MAGI1: variants seen among roughly 807,000 people sequenced by gnomAD.
MAGI1 encodes membrane-associated guanylate kinase, WW and PDZ domain-containing protein 1.
Under a neutral mutation model 139.9 loss-of-function variants are expected in MAGI1, and 58 were observed. The ratio of observed to expected loss-of-function variants is 0.41; its 90% CI spans 0.34 to 0.52. The LOEUF (loss-of-function observed/expected upper bound fraction) is 0.52, where lower values mean the gene tolerates loss of function less well. Ranked by LOEUF, MAGI1 falls within the 20% of genes least tolerant of loss-of-function variation. The pLI, the probability that MAGI1 is intolerant of heterozygous loss-of-function variation, is 0.12. For synonymous variants in MAGI1, 812 were observed against 737.9 expected, an observed-to-expected ratio of 1.10 and a Z score of -1.63; for missense variants, 1,874 against 1,901.6, an observed-to-expected ratio of 0.99 and a Z score of 0.27.
intron 1 of MAGI1, among the ~76,000 whole-genome samples, chr3:65,821,420 G>A (rs1575607689): frequency 1.3e-5 from 2 of 152,250 alleles, no homozygotes; most frequent in Admixed American, 1.3e-4. Context: ...CATGTCTGCT[G>A]CATGCCTGGC....
At chr3:65,747,211 G>C (rs537141584) in intron 1 of MAGI1, among the ~76,000 whole-genome samples, 27 of 152,314 alleles carry the variant, frequency 1.8e-4, no homozygotes, top group African/African-American at 6.3e-4. Flanking sequence ...ACTGTGTTTA[G>C]GGGACCCTCT....
At chr3:65,912,478 C>G (rs1428903637) in intron 1 of MAGI1, among the ~76,000 whole-genome samples, 1 of 152,136 alleles carries the variant, frequency 6.6e-6, no homozygotes, top group Non-Finnish European at 1.5e-5. Context: ...TTTATTTGGG[C>G]TCCCTGTTTC....
intron 1 of MAGI1, among the ~76,000 whole-genome samples, chr3:65,683,682 G>A (rs868836647): frequency 0.02 from 2,482 of 125,814 alleles, 65 homozygotes; most frequent in African/African-American, 0.07. Flanking sequence ...ATATATGTAT[G>A]GCAAGCACAT....
intron 18 of MAGI1, among the ~76,000 whole-genome samples, chr3:65,369,012 T>C (rs1290825611): frequency 6.6e-6 from 1 of 152,196 alleles, no homozygotes; most frequent in Non-Finnish European, 1.5e-5. Context: ...TTTGACTTCT[T>C]AGATTTCAAG....
intron 2 of MAGI1, among the ~76,000 whole-genome samples, chr3:65,606,040 C>T (rs1172963294): frequency 4.1e-5 from 4 of 97,330 alleles, no homozygotes; most frequent in Non-Finnish European, 7.6e-5. Flanking sequence ...GATACATGGA[C>T]ATATTTTTGC....
At chr3:65,359,446 AC>A (rs1940563609) in intron 22 of MAGI1, 1 of 1,164,400 alleles carries the variant, frequency 8.6e-7, no homozygotes, top group African/African-American at 1.5e-5. Context: ...GTTTTTTCAA[AC>A]AACTGGAACA....
At chr3:65,551,465 T>C (rs1171278691) in intron 2 of MAGI1, among the ~76,000 whole-genome samples, 1 of 152,038 alleles carries the variant, frequency 6.6e-6, no homozygotes, top group Non-Finnish European at 1.5e-5. Context: ...CGCGCGCGGC[T>C]AATTTTCTGT....
intron 1 of MAGI1, among the ~76,000 whole-genome samples, chr3:65,968,234 A>G (rs1408230958): frequency 6.6e-6 from 1 of 152,208 alleles, no homozygotes; most frequent in Non-Finnish European, 1.5e-5. Context: ...AAATGTGTCC[A>G]CCTTTTGAAC....
intron 1 of MAGI1, among the ~76,000 whole-genome samples, chr3:65,931,058 A>G (rs1041709366): frequency 3.3e-5 from 5 of 150,282 alleles, no homozygotes; most frequent in Non-Finnish European, 5.9e-5. Flanking sequence ...TTTGAGATAG[A>G]GCCTCACTCT....
At chr3:65,982,656 T>C (rs1010848704) in intron 1 of MAGI1, among the ~76,000 whole-genome samples, 1 of 152,156 alleles carries the variant, frequency 6.6e-6, no homozygotes, top group Non-Finnish European at 1.5e-5. Flanking sequence ...CAGTGTCTTG[T>C]ATTGTAGAGT....
chr3:65,880,863 C>T lies in MAGI1; in HGVS notation c.313+157133G>A, dbSNP rs1437715046. The stretch of plus-strand genomic sequence containing the variant: ...GACACATCTCAGCAATATCTCATCA[C>T]TTTCGTCCTCTTCCGCATTTTCATG... On this transcript the variant is annotated intron_variant, in intron 1 of 22. Transcript: ENST00000402939. 2.0e-5 allele frequency among the ~76,000 whole-genome samples: 3 copies of T among 149,468 alleles called. No individual in the cohort carries two copies. In the Admixed American group the frequency reaches 2.0e-4, roughly 10 times the overall value.
chr3:65,505,741 T>C (rs904033470), intron 2 of MAGI1, among the ~76,000 whole-genome samples: 1 of 151,602 alleles, frequency 6.6e-6, no homozygotes, highest in African/African-American at 2.4e-5. Context: ...ATCGTTTCAA[T>C]GGTTGCACAG....
At chr3:65,470,082 T>C (rs1950467074) in intron 5 of MAGI1, 2 of 459,048 alleles carry the variant, frequency 4.4e-6, no homozygotes, top group African/African-American at 1.9e-5. Context: ...ATTAACCTTA[T>C]GCTTCCTCAA....
At chr3:65,745,347 GGTCA>G (rs1400624861) in intron 1 of MAGI1, among the ~76,000 whole-genome samples, 5 of 152,004 alleles carry the variant, frequency 3.3e-5, no homozygotes, top group African/African-American at 9.7e-5. Flanking sequence ...AAGGATTAGT[GGTCA>G]GTAAGTCAGA....
chr3:65,377,337 T>A (rs572705923), intron 17 of MAGI1, among the ~76,000 whole-genome samples: 1 of 152,174 alleles, frequency 6.6e-6, no homozygotes, highest in Non-Finnish European at 1.5e-5. Flanking sequence ...CCAAGGACAA[T>A]TGGTATAACA....
Position 65,702,848 on chromosome 3 carries a change from A to G in MAGI1, c.314-80760T>C, listed in dbSNP as rs116558086. ...AAGCCTTAATGCACACTTATCACAT[A>G]AATAAATAAATAAGCAGCTCCTCCT... On this transcript the variant is annotated intron_variant, in intron 1 of 22. Coordinates refer to ENST00000402939, the MANE Select transcript of MAGI1 (RefSeq NM_001033057.2). Among the ~76,000 whole-genome samples, 493 of 152,150 alleles carry G rather than the reference A, an allele frequency of 3.2e-3. 4 individuals are homozygous for G. Among genetic ancestry groups the G allele is most frequent in the African/African-American group, 0.012 (480 of 41,500 alleles).
intron 8 of MAGI1, 120 bp downstream of exon 8, chr3:65,442,672 C>T (rs1948425552): frequency 1.6e-6 from 1 of 636,036 alleles, no homozygotes; most frequent in African/African-American, 1.8e-5. Flanking sequence ...ATATTTTCAT[C>T]ATAAAATTAA....
At chr3:65,361,849 G>A (rs1940889955) in intron 21 of MAGI1, among the ~76,000 whole-genome samples, 1 of 152,084 alleles carries the variant, frequency 6.6e-6, no homozygotes, top group South Asian at 2.1e-4. Flanking sequence ...ATGAAATGAG[G>A]GACTGCCCTA....
chr3:65,734,501 G>GA (rs1491565084), intron 1 of MAGI1, among the ~76,000 whole-genome samples: 1 of 95,976 alleles, frequency 1.0e-5, no homozygotes, highest in African/African-American at 5.4e-5. Context: ...GAGAGAAAGA[G>GA]GAAGAGAGAG....
Sources: gnomAD v4.1 joint callset for allele counts (sites outside exome capture counted in the v4.1 genomes callset) on GRCh38, gnomAD v4.1.1 for gene constraint, MANE v1.5 for transcripts, NCBI Gene and HGNC (gene_info 2026-07-23, HGNC 2026-07-21) for gene names.